PLXDC1: variants seen among roughly 807,000 people sequenced by gnomAD.
PLXDC1 encodes plexin domain-containing protein 1.
In PLXDC1, 39 loss-of-function variants were observed where a neutral mutation model predicts 61.3. The ratio of observed to expected loss-of-function variants is 0.64; its 90% CI spans 0.49 to 0.83. PLXDC1 has a LOEUF of 0.83. Among genes scored for constraint, PLXDC1 ranks in the 40% least tolerant of loss-of-function variants. The pLI, the probability that PLXDC1 is intolerant of heterozygous loss-of-function variation, is 0.00. For synonymous variants in PLXDC1, 212 were observed against 254.5 expected, an observed-to-expected ratio of 0.83 and a Z score of 1.59; for missense variants, 596 against 666.5, an observed-to-expected ratio of 0.89 and a Z score of 1.17.
In PLXDC1 at chr17:39,063,585, T is replaced by C. The variant is rs1908788540; in HGVS notation, c.*4255A>G. 8.8e-6 allele frequency: 6 copies of C among 682,002 alleles called. No individual in the cohort carries two copies. In the East Asian group the frequency reaches 1.6e-4, roughly 18 times the overall value. The allele number at this position is 682,002 out of a possible 1,614,324, so 42.2% of individuals were successfully genotyped here. Reference sequence around the variant, plus strand: ...TCTTCGGAATGCCACTCCAAATCCTTTGCACTTTCTTTTGCACACAGCAGG... The same window carrying C: ...TCTTCGGAATGCCACTCCAAATCCTCTGCACTTTCTTTTGCACACAGCAGG... On this transcript the variant is annotated 3_prime_UTR_variant, in exon 14 of 14. Coordinates refer to ENST00000315392, the MANE Select transcript of PLXDC1 (RefSeq NM_020405.5).
At chr17:39,134,079 A>G (rs563717485) in intron 2 of PLXDC1, among the ~76,000 whole-genome samples, 131 of 151,942 alleles carry the variant, frequency 8.6e-4, no homozygotes, top group South Asian at 5.4e-3. Flanking sequence ...AACACGGTGA[A>G]ACCCCATCTC....
At chr17:39,111,142 C>T (rs1910786094) in intron 2 of PLXDC1, among the ~76,000 whole-genome samples, 1 of 152,086 alleles carries the variant, frequency 6.6e-6, no homozygotes, top group Admixed American at 6.6e-5. Context: ...TGTGTGCCCA[C>T]CCCCCAGACC....
intron 11 of PLXDC1, among the ~76,000 whole-genome samples, chr17:39,075,741 G>T (rs1224512810): frequency 6.6e-6 from 1 of 152,060 alleles, no homozygotes; most frequent in Admixed American, 6.6e-5. Context: ...CAGGTCCATG[G>T]GTCACTGACT....
At chr17:39,100,775 G>A (rs1225636561) in intron 7 of PLXDC1, among the ~76,000 whole-genome samples, 2 of 152,230 alleles carry the variant, frequency 1.3e-5, no homozygotes, top group African/African-American at 4.8e-5. Context: ...TTACCAACCA[G>A]TCAGAGCAGA....
chr17:39,089,055 TA>T (rs34781877), intron 7 of PLXDC1, among the ~76,000 whole-genome samples: 39,539 of 148,562 alleles, frequency 0.27, 5,972 homozygotes, highest in Admixed American at 0.43. Flanking sequence ...GAAAAAAGAA[TA>T]AGAAGCAGAC....
intron 12 of PLXDC1, 196 bp from the exon 13 acceptor site, chr17:39,070,212 G>A (rs1487924285): frequency 4.2e-6 from 2 of 473,164 alleles, no homozygotes; most frequent in African/African-American, 3.9e-5. Context: ...CACCATCTGG[G>A]TAGTTTTCCA....
intron 2 of PLXDC1, among the ~76,000 whole-genome samples, chr17:39,138,244 AATTAC>A (rs1455524575): frequency 1.3e-5 from 2 of 152,160 alleles, no homozygotes; most frequent in African/African-American, 4.8e-5. Flanking sequence ...CCCACACTGG[AATTAC>A]ATTTGAGGCT....
chr17:39,087,615 G>A lies in PLXDC1; in HGVS notation c.899C>T (p.Pro300Leu). The A allele has an allele frequency of 6.2e-7, 1 of 1,613,110 alleles. No individual in the cohort carries two copies. Residue 300 changes from proline (P) to leucine (L), a missense_variant, in exon 8 of 14, where the codon CCA becomes CTA. Transcript: ENST00000315392. ...VTSMSAVEFT[P>L]LPTCLQHRSC... ...GAATGACCCCTACTCACTCGGCAAT[G>A]GGGTGAACTCCACGGCCGACATGCT... is the stretch of plus-strand genomic sequence containing the variant.
At chr17:39,117,061 A>C (rs1910994275) in intron 2 of PLXDC1, among the ~76,000 whole-genome samples, 1 of 152,170 alleles carries the variant, frequency 6.6e-6, no homozygotes, top group Admixed American at 6.6e-5. Flanking sequence ...GTTGACGGGG[A>C]ATGTGGCTCA....
At chr17:39,129,728 GA>G (rs375312793) in intron 2 of PLXDC1, among the ~76,000 whole-genome samples, 105 of 38,202 alleles carry the variant, frequency 2.7e-3, no homozygotes, top group African/African-American at 0.01. Flanking sequence ...AAGAAAGAAA[GA>G]AAAGAAAGAA....
Position 39,139,709 on chromosome 17 carries a change from A to G in PLXDC1, c.200T>C (p.Leu67Pro), listed in dbSNP as rs376315498. ...GTCCATGGCCAGGGTGCCCCCACCC[A>G]GGTCCTGGCTCAGCTGGGTCCTGTC... Reference protein sequence around the residue: ...EPDRTQLSQDLGGGTLAMDTL... With the variant: ...EPDRTQLSQDPGGGTLAMDTL... The change falls in exon 2 of 14, where the codon CTG (leucine) becomes CCG (proline). Residue 67 changes from leucine to proline, a missense_variant. Coordinates refer to ENST00000315392, the MANE Select transcript of PLXDC1 (RefSeq NM_020405.5). The G allele has an allele frequency of 1.3e-4, 210 of 1,611,202 alleles. No homozygotes were observed. The highest frequency in any genetic ancestry group is 9.5e-4 in the South Asian group (86 of 90,926).
chr17:39,102,031 G>T (rs1910438555), intron 7 of PLXDC1, among the ~76,000 whole-genome samples: 1 of 152,194 alleles, frequency 6.6e-6, no homozygotes, highest in African/African-American at 2.4e-5. Flanking sequence ...AGAGGGGAAA[G>T]AACTCCTGGC....
intron 7 of PLXDC1, among the ~76,000 whole-genome samples, chr17:39,100,838 T>C (rs1910396002): frequency 6.6e-6 from 1 of 152,104 alleles, no homozygotes; most frequent in Admixed American, 6.5e-5. Context: ...TAATACTTGA[T>C]AGAGGACTGG....
chr17:39,079,217 C>T lies in PLXDC1; in HGVS notation c.990-53G>A, dbSNP rs1909461191. 4.1e-6 allele frequency: 6 copies of T among 1,474,286 alleles called. No homozygotes were observed. In the Admixed American group the frequency reaches 1.0e-4, roughly 25 times the overall value. 91.3% of individuals were successfully genotyped at this position (1,474,286 alleles called of 1,614,324 possible). On this transcript the variant is annotated intron_variant, in intron 9 of 13. Coordinates refer to ENST00000315392, the MANE Select transcript of PLXDC1 (RefSeq NM_020405.5). ...ATGATGGGATTGACAAAGAAGCCTT[C>T]CCCTTTCACTGTTCAGTAACAGCTC...
chr17:39,077,652 C>A (rs977632008), intron 11 of PLXDC1, among the ~76,000 whole-genome samples: 1 of 152,340 alleles, frequency 6.6e-6, no homozygotes, highest in East Asian at 1.9e-4. Context: ...CCCCTCTTCA[C>A]AGTGAATTGT....
chr17:39,122,164 A>T (rs1417962314), intron 2 of PLXDC1, among the ~76,000 whole-genome samples: 1 of 148,012 alleles, frequency 6.8e-6, no homozygotes, highest in Non-Finnish European at 1.5e-5. Flanking sequence ...GCACTTTGGG[A>T]GGCCGAGGTA....
At chr17:39,108,068 A>G in intron 5 of PLXDC1, 55 bp downstream of exon 5, 1 of 1,611,526 alleles carries the variant, frequency 6.2e-7, no homozygotes, top group Non-Finnish European at 8.5e-7. Context: ...CCTCTAAAGG[A>G]CTGGACAAGG....
intron 6 of PLXDC1, among the ~76,000 whole-genome samples, chr17:39,107,014 T>C (rs1253583375): frequency 6.6e-6 from 1 of 152,182 alleles, no homozygotes; most frequent in Non-Finnish European, 1.5e-5. Context: ...GACTTTTGCA[T>C]GTGCTGTGTG....
chr17:39,142,281 A>G (rs1911959141), intron 1 of PLXDC1, among the ~76,000 whole-genome samples: 1 of 152,202 alleles, frequency 6.6e-6, no homozygotes. Context: ...AATAGGTTTC[A>G]TATCACATGC....
Sources: gnomAD v4.1 joint callset for allele counts (sites outside exome capture counted in the v4.1 genomes callset) on GRCh38, gnomAD v4.1.1 for gene constraint, MANE v1.5 for transcripts, NCBI Gene and HGNC (gene_info 2026-07-23, HGNC 2026-07-21) for gene names.